DIAPH3: variants seen among roughly 807,000 people sequenced by gnomAD.
The protein encoded by DIAPH3 is diaphanous related formin 3.
A neutral mutation model predicts 144.3 loss-of-function variants in DIAPH3; 117 were observed. That is an observed-to-expected ratio of 0.81 (90% CI 0.70 to 0.95). The LOEUF is 0.95. Ranked by LOEUF, DIAPH3 falls within the 40% of genes least tolerant of loss-of-function variation. The probability of loss-of-function intolerance (pLI) is 0.00; values close to 1 mark genes in which losing one functional copy is unlikely to be tolerated. For missense variants in DIAPH3, 1,421 were observed against 1,412.7 expected, an observed-to-expected ratio of 1.01 and a Z score of -0.09; for synonymous variants, 519 against 488.9, an observed-to-expected ratio of 1.06 and a Z score of -0.81.
chr13:60,006,359 T>G (rs1279742523), intron 9 of DIAPH3, among the ~76,000 whole-genome samples: 1 of 152,202 alleles, frequency 6.6e-6, no homozygotes, highest in East Asian at 1.9e-4. Flanking sequence ...AATGTAATAC[T>G]GTTGTAAACA....
chr13:59,729,808 A>ATTTTTTTTTTTTTTT (rs202135165), intron 27 of DIAPH3, among the ~76,000 whole-genome samples: 1 of 115,184 alleles, frequency 8.7e-6, no homozygotes, highest in African/African-American at 3.5e-5. Context: ...GAATACATTA[A>ATTTTTTTTTTTTTTT]TATTTTTTTT....
intron 5 of DIAPH3, among the ~76,000 whole-genome samples, chr13:60,028,560 G>A (rs1594407089): frequency 6.6e-6 from 1 of 151,928 alleles, no homozygotes; most frequent in Non-Finnish European, 1.5e-5. Context: ...TTCTGAACCC[G>A]GAGTCCTTCA....
intron 1 of DIAPH3, among the ~76,000 whole-genome samples, chr13:60,141,970 C>T (rs954730546): frequency 1.3e-5 from 2 of 151,938 alleles, no homozygotes; most frequent in Non-Finnish European, 2.9e-5. Context: ...GGAGTGTTTG[C>T]AATAGAAAAA....
chr13:59,996,744 C>A (rs566530105), intron 9 of DIAPH3, among the ~76,000 whole-genome samples: 1 of 151,890 alleles, frequency 6.6e-6, no homozygotes, highest in Non-Finnish European at 1.5e-5. Context: ...TGGGGCAGAG[C>A]GAGTCAAAGG....
At chr13:59,886,570 A>G (rs182897491) in intron 20 of DIAPH3, among the ~76,000 whole-genome samples, 1 of 152,228 alleles carries the variant, frequency 6.6e-6, no homozygotes. Context: ...AAATCTTAAC[A>G]ATACCAACTC....
intron 22 of DIAPH3, among the ~76,000 whole-genome samples, chr13:59,859,637 A>G (rs757423070): frequency 2.6e-5 from 4 of 152,122 alleles, no homozygotes; most frequent in Non-Finnish European, 4.4e-5. Context: ...TTATCTATCA[A>G]ACTGATTAAT....
intron 19 of DIAPH3, 56 bp downstream of exon 19, chr13:59,916,099 T>A (rs1286390874): frequency 1.4e-6 from 2 of 1,465,508 alleles, no homozygotes; most frequent in Non-Finnish European, 1.9e-6. Flanking sequence ...CAGATTTCTA[T>A]TTAATGAGAA....
At chr13:59,854,884 CA>C (rs1224815784) in intron 22 of DIAPH3, among the ~76,000 whole-genome samples, 1 of 152,126 alleles carries the variant, frequency 6.6e-6, no homozygotes, top group East Asian at 1.9e-4. Context: ...TGTTAACCTC[CA>C]AAAAGATATA....
rs56979042 is a variant in DIAPH3, at chr13:59,799,375, GCACACACA to G, written c.3163+11405_3163+11412del. 9.7e-3 allele frequency among the ~76,000 whole-genome samples: 1,347 copies of G among 139,354 alleles called. 9 individuals carry two copies. The highest frequency in any genetic ancestry group is 0.028 in the East Asian group (133 of 4,706). 91.4% of individuals were successfully genotyped at this position (139,354 alleles called of 152,430 possible). A position where few individuals can be genotyped will look rare whatever the true frequency, so the allele number is the denominator to read the frequency against. On this transcript the variant is annotated intron_variant, in intron 25 of 27. Coordinates refer to ENST00000400324, the MANE Select transcript of DIAPH3 (RefSeq NM_001042517.2). ...TCTCTACTGAAATTACTGGAAATAT[GCACACACA>G]CACACACACACACACACACACACAC...
chr13:59,992,988 G>C (rs2051939589), intron 9 of DIAPH3, among the ~76,000 whole-genome samples: 1 of 151,486 alleles, frequency 6.6e-6, no homozygotes, highest in South Asian at 2.1e-4. Flanking sequence ...TAATAAAATA[G>C]TTTTCCATTC....
At chr13:59,714,543 A>G (rs942520903) in intron 27 of DIAPH3, among the ~76,000 whole-genome samples, 2 of 152,140 alleles carry the variant, frequency 1.3e-5, no homozygotes, top group Non-Finnish European at 1.5e-5. Flanking sequence ...TAAGTTAGAA[A>G]TAAGTTTTAA....
rs1358374287 is a variant in DIAPH3, at chr13:59,774,213, G to A, written c.3295C>T (p.Pro1099Ser). 1 of 1,612,950 alleles carries A rather than the reference G, an allele frequency of 6.2e-7. No homozygotes were observed. Among genetic ancestry groups the A allele is most frequent in the East Asian group, 2.2e-5 (1 of 44,828 alleles). ...RQSLSPMSQR[P>S]VLKVCNHENQ... ...CCATGGTTACAAACTTTCAGAACAG[G>A]CCTCTGAGACATTGGACTGAGACTC... Residue 1099 changes from proline to serine, a missense_variant, in exon 27 of 28, where the codon CCT (proline) becomes TCT (serine). Pro to Ser is a moderately conservative substitution (Grantham distance 74, BLOSUM62 -1). Coordinates refer to ENST00000400324, the MANE Select transcript of DIAPH3 (RefSeq NM_001042517.2).
chr13:59,779,558 C>T (rs573297363), intron 25 of DIAPH3, among the ~76,000 whole-genome samples: 7 of 151,562 alleles, frequency 4.6e-5, no homozygotes, highest in Admixed American at 4.6e-4. Flanking sequence ...GTCGCCCAGA[C>T]TGGAGTGCAG....
intron 27 of DIAPH3, among the ~76,000 whole-genome samples, chr13:59,669,465 CA>C (rs1267286674): frequency 2.0e-5 from 3 of 152,164 alleles, no homozygotes; most frequent in Non-Finnish European, 2.9e-5. Flanking sequence ...ACCCCTTCCC[CA>C]ACACCTATTA....
intron 17 of DIAPH3, among the ~76,000 whole-genome samples, chr13:59,953,937 A>T (rs1290003079): frequency 6.6e-6 from 1 of 152,216 alleles, no homozygotes; most frequent in Non-Finnish European, 1.5e-5. Flanking sequence ...TATGTAATAA[A>T]TGAAAGGCTA....
chr13:60,047,568 A>G (rs965474459), intron 4 of DIAPH3, among the ~76,000 whole-genome samples: 1 of 152,122 alleles, frequency 6.6e-6, no homozygotes, highest in African/African-American at 2.4e-5. Context: ...CAATGGGGGG[A>G]AGAAGAATCT....
At chr13:60,109,981 A>G (rs2058522328) in intron 3 of DIAPH3, among the ~76,000 whole-genome samples, 1 of 152,214 alleles carries the variant, frequency 6.6e-6, no homozygotes, top group Non-Finnish European at 1.5e-5. Flanking sequence ...AAAATTCAAC[A>G]CCACTTTTAA....
At position 60,093,750 on chromosome 13, in the gene DIAPH3, A is replaced by G. The variant is rs1292890764; in HGVS notation, c.391-18T>C. Reference sequence around the variant, plus strand: ...ATATCTTCCTGGAAAACACAATTAAAATGCCTCATTTTAGAATCTAAGTAG... The same window carrying G: ...ATATCTTCCTGGAAAACACAATTAAGATGCCTCATTTTAGAATCTAAGTAG... On this transcript the variant is annotated intron_variant, in intron 3 of 27. Transcript: ENST00000400324. 6.5e-7 allele frequency: 1 copy of G among 1,537,668 alleles called. No individual in the cohort carries two copies. Among genetic ancestry groups the G allele is most frequent in the South Asian group, 1.1e-5 (1 of 89,374 alleles).
At chr13:59,740,995 T>A (rs1032904015) in intron 27 of DIAPH3, among the ~76,000 whole-genome samples, 5 of 152,168 alleles carry the variant, frequency 3.3e-5, no homozygotes, top group Non-Finnish European at 5.9e-5. Flanking sequence ...TAAGGGTAAG[T>A]GGTGACCTGG....
Sources: allele counts gnomAD v4.1 joint callset (sites outside exome capture counted in the v4.1 genomes callset), GRCh38; gene constraint gnomAD v4.1.1; transcripts MANE v1.5; gene names NCBI Gene and HGNC (gene_info 2026-07-23, HGNC 2026-07-21).